PAQR3: variants seen among roughly 807,000 people sequenced by gnomAD.
PAQR3 encodes progestin and adipoQ receptor family member 3.
PAQR3 carries 39 observed loss-of-function variants against 41.7 expected under a neutral mutation model. The ratio of observed to expected loss-of-function variants is 0.93; its 90% CI spans 0.72 to 1.22. The LOEUF is 1.22. Among genes scored for constraint, PAQR3 ranks in the 50% most tolerant of loss-of-function variants. The pLI, the probability that PAQR3 is intolerant of heterozygous loss-of-function variation, is 0.00. For synonymous variants in PAQR3, 140 were observed against 140.6 expected (o/e 1.00, Z 0.03); for missense variants, 366 against 385.6 (o/e 0.95, Z 0.42).
At chr4:78,907,926 G>T (rs1056523823), downstream of PAQR3, among the ~76,000 whole-genome samples, 1 of 152,102 alleles carries the variant, frequency 6.6e-6, no homozygotes, top group East Asian at 1.9e-4. Context: ...CACAGTCAGG[G>T]ATGATGGGAA....
intron 2 of PAQR3, among the ~76,000 whole-genome samples, chr4:78,932,535 T>C (rs1436349956): frequency 6.6e-6 from 1 of 152,124 alleles, no homozygotes; most frequent in Non-Finnish European, 1.5e-5. Context: ...TACACAAACA[T>C]ACGCATTTGG....
Position 78,919,666 on chromosome 4 carries a change from A to C in PAQR3, c.*873T>G, listed in dbSNP as rs980473001. 3.7e-5 allele frequency: 36 copies of C among 985,044 alleles called. No homozygotes were observed. The highest frequency in any genetic ancestry group is 4.2e-5 in the Non-Finnish European group (35 of 829,790). 61.0% of individuals were successfully genotyped at this position (985,044 alleles called of 1,614,324 possible). On this transcript the variant is annotated 3_prime_UTR_variant, in exon 6 of 6. Coordinates refer to ENST00000512733, the MANE Select transcript of PAQR3 (RefSeq NM_001040202.2). ...AGCACCCACAATGCTGGGAACCCCC[A>C]CCACTGGGATATTCAGGACTACAAA... is the stretch of plus-strand genomic sequence containing the variant.
intron 5 of PAQR3, chr4:78,923,369 A>G (rs1435032978): frequency 5.0e-6 from 1 of 200,240 alleles, no homozygotes; most frequent in Non-Finnish European, 1.0e-5. Flanking sequence ...TCTAGGGTAC[A>G]TGTACACAAC....
chr4:78,926,769 CT>C, intron 3 of PAQR3, 51 bp from the exon 4 acceptor site: 1 of 1,544,302 alleles, frequency 6.5e-7, no homozygotes, highest in Non-Finnish European at 8.9e-7. Flanking sequence ...AATAAAGGAA[CT>C]GAAAAAGTAA....
At chr4:78,932,096 G>A (rs1039858470) in intron 2 of PAQR3, among the ~76,000 whole-genome samples, 7 of 152,212 alleles carry the variant, frequency 4.6e-5, no homozygotes, top group Admixed American at 1.3e-4. Flanking sequence ...CAGTAACATG[G>A]TCATCTAGCT....
intron 2 of PAQR3, among the ~76,000 whole-genome samples, chr4:78,932,664 T>C (rs1737025700): frequency 6.6e-6 from 1 of 152,202 alleles, no homozygotes. Context: ...TTATATCTTG[T>C]AGTAATAATT....
At chr4:78,928,522 T>A (rs1422698540) in intron 3 of PAQR3, among the ~76,000 whole-genome samples, 1 of 152,208 alleles carries the variant, frequency 6.6e-6, no homozygotes. Context: ...ATACCAGATA[T>A]GTTGACAGTA....
Position 78,920,647 on chromosome 4 carries a change from T to C in PAQR3, c.828A>G (p.Ile276Met). 1 of 1,610,214 alleles carries C rather than the reference T, an allele frequency of 6.2e-7. No homozygotes were observed. Among genetic ancestry groups the C allele is most frequent in the Non-Finnish European group, 8.5e-7 (1 of 1,177,722 alleles). Residue 276 changes from isoleucine (I) to methionine (M), a missense_variant, in exon 6 of 6, where the codon ATA becomes ATG. Transcript: ENST00000512733. The part of the protein sequence containing the change: ...QLNYLGSSHQ[I>M]WHILAVVMLY... ...ACATCACTACTGCAAGGATATGCCA[T>C]ATTTGGTGGCTTGATCCGAGGTAGT...
chr4:78,921,556 C>A, intron 5 of PAQR3: 1 of 708,330 alleles, frequency 1.4e-6, no homozygotes, highest in Non-Finnish European at 1.7e-6. Context: ...TTTTAAAAAA[C>A]AAAACACAGA....
intron 11 of PAQR3, among the ~76,000 whole-genome samples, chr4:78,893,420 T>G (rs1185004660): frequency 6.6e-6 from 1 of 152,226 alleles, no homozygotes; most frequent in Non-Finnish European, 1.5e-5. Context: ...TTAATGTTGA[T>G]ATTTTGACCT....
In PAQR3 at chr4:78,912,112, G is replaced by A; in HGVS notation, c.*8427C>T. The A allele has an allele frequency of 7.5e-7, 1 of 1,328,294 alleles. No homozygotes were observed. Among genetic ancestry groups the A allele is most frequent in the Admixed American group, 2.2e-5 (1 of 46,230 alleles). The allele number at this position is 1,328,294 out of a possible 1,614,324, so 82.3% of individuals were successfully genotyped here. A position where few individuals can be genotyped will look rare whatever the true frequency, so the allele number is the denominator to read the frequency against. On this transcript the variant is annotated 3_prime_UTR_variant, in exon 6 of 6. Coordinates refer to ENST00000512733, the MANE Select transcript of PAQR3 (RefSeq NM_001040202.2). ...TTTTATGAATTTGAAAGAAAATTTG[G>A]TAGCTCTTTATAGCATTCATTCTTA... is the stretch of plus-strand genomic sequence containing the variant.
At position 78,920,609 on chromosome 4, in the gene PAQR3, T is replaced by C; in HGVS notation, c.866A>G (p.His289Arg). Residue 289 changes from histidine (H) to arginine (R), a missense_variant, in exon 6 of 6, where the codon CAT (histidine) becomes CGT (arginine). Coordinates refer to ENST00000512733, the MANE Select transcript of PAQR3 (RefSeq NM_001040202.2). ...CTGCATGACATACACTGTTGACTGA[T>C]GCCACCAATATAACATCACTACTGC... ...ILAVVMLYWW[H>R]QSTVYVMQYR... The C allele has an allele frequency of 6.2e-7, 1 of 1,612,076 alleles. No homozygotes were observed. The highest frequency in any genetic ancestry group is 2.2e-5 in the East Asian group (1 of 44,820).
At chr4:78,897,850 T>A (rs910565969) in intron 11 of PAQR3, among the ~76,000 whole-genome samples, 1 of 152,216 alleles carries the variant, frequency 6.6e-6, no homozygotes, top group African/African-American at 2.4e-5. Flanking sequence ...ATTATAAAGA[T>A]TACAGCCCTT....
chr4:78,921,103 C>G (rs12649978), intron 5 of PAQR3, among the ~76,000 whole-genome samples: 10,285 of 151,858 alleles, frequency 0.068, 468 homozygotes, highest in East Asian at 0.22. Context: ...AGATATAAAC[C>G]TATTAGAAGC....
At chr4:78,934,771 G>C (rs79223897) in intron 2 of PAQR3, among the ~76,000 whole-genome samples, 7,251 of 152,282 alleles carry the variant, frequency 0.048, 560 homozygotes, top group African/African-American at 0.17. Context: ...GGAGGAAAGA[G>C]ATGAGAAATC....
chr4:78,928,533 TTC>T (rs1333971812), intron 3 of PAQR3, among the ~76,000 whole-genome samples: 8 of 152,234 alleles, frequency 5.3e-5, no homozygotes, highest in Admixed American at 1.3e-4. Context: ...GTTGACAGTA[TTC>T]TCTGTTATTG....
Position 78,919,601 on chromosome 4 carries a change from G to A in PAQR3, c.*938C>T, listed in dbSNP as rs914983051. On this transcript the variant is annotated 3_prime_UTR_variant, in exon 6 of 6. Transcript: ENST00000512733. The stretch of plus-strand genomic sequence containing the variant: ...TTCTAAGGCTTAAGGTTCATTTCAG[G>A]GTCAAGACAGGGCCATCTAGATTCT... 28 of 984,836 alleles carry A rather than the reference G, an allele frequency of 2.8e-5. No individual in the cohort carries two copies. The African/African-American group carries it at 4.7e-4, about 17-fold the overall frequency. 61.0% of individuals were successfully genotyped at this position (984,836 alleles called of 1,614,324 possible).
At chr4:78,898,882 C>T (rs928977610) in intron 11 of PAQR3, 2 of 152,170 alleles carry the variant, frequency 1.3e-5, no homozygotes, top group African/African-American at 4.8e-5. Flanking sequence ...TGCTTGTAGT[C>T]CCAGCTGCTC....
intron 2 of PAQR3, among the ~76,000 whole-genome samples, chr4:78,931,905 C>T (rs141801129): frequency 1.3e-5 from 2 of 152,166 alleles, no homozygotes; most frequent in East Asian, 3.9e-4. Flanking sequence ...TGATAAGATA[C>T]TCCTGAAGAT....
Sources: gnomAD v4.1 joint callset for allele counts (sites outside exome capture counted in the v4.1 genomes callset) on GRCh38, gnomAD v4.1.1 for gene constraint, MANE v1.5 for transcripts, NCBI Gene and HGNC (gene_info 2026-07-23, HGNC 2026-07-21) for gene names.